The following MAPK3 variants were observed in gnomAD, a reference collection of about 807,000 sequenced individuals.
MAPK3 encodes the protein MAPK 1.
In MAPK3, 30 loss-of-function variants were observed where a neutral mutation model predicts 41.8. That is an observed-to-expected ratio of 0.72 (90% CI 0.54 to 0.97). MAPK3 has a LOEUF of 0.97. MAPK3 is among the 50% of genes least tolerant of loss of function. The probability of loss-of-function intolerance (pLI) is 0.00; values close to 1 mark genes in which losing one functional copy is unlikely to be tolerated. For missense variants in MAPK3, 413 were observed against 509.9 expected (o/e 0.81, Z 1.83); for synonymous variants, 222 against 213.4 (o/e 1.04, Z -0.35).
intron 2 of MAPK3, 58 bp from the exon 3 acceptor site, chr16:30,118,596 G>A (rs1229465535): frequency 6.8e-7 from 1 of 1,463,530 alleles, no homozygotes; most frequent in Non-Finnish European, 9.4e-7. Flanking sequence ...ACTTGGTTAA[G>A]GAAAACAGGC....
chr16:30,114,594 G>A lies in MAPK3; in HGVS notation c.*147C>T, dbSNP rs2072936459. ...GCCTGAAGCTGGAGGCCTCAGCAAAGGAGAGAGGTGGCCAGGCCCATGCTC... is the reference window on the plus strand; with the variant it reads ...GCCTGAAGCTGGAGGCCTCAGCAAAAGAGAGAGGTGGCCAGGCCCATGCTC... On this transcript the variant is annotated 3_prime_UTR_variant, in exon 9 of 9. Coordinates refer to ENST00000263025, the MANE Select transcript of MAPK3 (RefSeq NM_002746.3). 1 of 152,492 alleles carries A rather than the reference G, an allele frequency of 6.6e-6. No individual in the cohort carries two copies. Among genetic ancestry groups the A allele is most frequent in the Non-Finnish European group, 1.5e-5 (1 of 68,214 alleles). The allele number at this position is 152,492 out of a possible 1,614,324, so 9.4% of individuals were successfully genotyped here. A position where few individuals can be genotyped will look rare whatever the true frequency, so the allele number is the denominator to read the frequency against.
rs2073033192 is a variant in MAPK3 at position 30,123,035 on chromosome 16, C to G, written c.170+5G>C. On this transcript the variant is annotated splice_donor_5th_base_variant and intron_variant, in intron 1 of 8. Coordinates refer to ENST00000263025, the MANE Select transcript of MAPK3 (RefSeq NM_002746.3). ...GGCACCCCCTCCCCCGGAACGCCCCCTCACCTGACCATGCCGTACGCGCCC... is the reference window on the plus strand; with the variant it reads ...GGCACCCCCTCCCCCGGAACGCCCCGTCACCTGACCATGCCGTACGCGCCC... 1.3e-6 allele frequency: 2 copies of G among 1,549,122 alleles called. No homozygotes were observed. The highest frequency in any genetic ancestry group is 1.4e-5 in the African/African-American group (1 of 70,520).
intron 1 of MAPK3, 45 bp downstream of exon 1, chr16:30,122,995 G>T: frequency 7.2e-7 from 1 of 1,383,266 alleles, no homozygotes; most frequent in Non-Finnish European, 9.5e-7. Flanking sequence ...CTCCCGCGAA[G>T]CCCCCTCCCC....
At position 30,120,828 on chromosome 16, in the gene MAPK3, C is replaced by T. The variant is rs182828556; in HGVS notation, c.353+996G>A. Among the ~76,000 whole-genome samples, 7 of 151,684 alleles carry T rather than the reference C, an allele frequency of 4.6e-5. No homozygotes were observed. In the East Asian group the frequency reaches 1.4e-3, roughly 29 times the overall value. On this transcript the variant is annotated intron_variant, in intron 2 of 8. Coordinates refer to ENST00000263025, the MANE Select transcript of MAPK3 (RefSeq NM_002746.3). The stretch of plus-strand genomic sequence containing the variant: ...CCTCCCAAGTAGCTGGGACTATAGT[C>T]GTGTACCACCAAACCTGGATAATTT...
Position 30,118,089 on chromosome 16 carries a change from A to G in MAPK3, c.618T>C (p.Ala206=). ...DHTGFLTEYV[A]TRWYRAPEIM... is the part of the protein sequence containing the mutation. Reference sequence around the variant, plus strand: ...TCTCTGGGGCCCGGTACCAGCGCGTAGCCACATACTCCGTCAGGAAGCCGG... The same window carrying G: ...TCTCTGGGGCCCGGTACCAGCGCGTGGCCACATACTCCGTCAGGAAGCCGG... Residue 206 remains alanine (A), a synonymous_variant, in exon 4 of 9, where the codon GCT becomes GCC. Transcript: ENST00000263025. 2 of 1,614,150 alleles carry G rather than the reference A, an allele frequency of 1.2e-6. No homozygotes were observed. The highest frequency in any genetic ancestry group is 1.7e-6 in the Non-Finnish European group (2 of 1,180,028).
chr16:30,122,289 C>T (rs1596883844), intron 1 of MAPK3: 1 of 493,828 alleles, frequency 2.0e-6, no homozygotes, highest in Non-Finnish European at 3.7e-6. Context: ...GGCCCTGAAC[C>T]CTTCGCCCCC....
chr16:30,123,026 G>A lies in MAPK3; in HGVS notation c.170+14C>T, dbSNP rs1211928590. 6.8e-7 allele frequency: 1 copy of A among 1,463,644 alleles called. No homozygotes were observed. The highest frequency in any genetic ancestry group is 9.1e-7 in the Non-Finnish European group (1 of 1,104,484). The allele number at this position is 1,463,644 out of a possible 1,614,324, so 90.7% of individuals were successfully genotyped here. On this transcript the variant is annotated intron_variant, in intron 1 of 8. Coordinates refer to ENST00000263025, the MANE Select transcript of MAPK3 (RefSeq NM_002746.3). ...TCCCCTGAGGGCACCCCCTCCCCCGGAACGCCCCCTCACCTGACCATGCCG... is the reference window on the plus strand; with the variant it reads ...TCCCCTGAGGGCACCCCCTCCCCCGAAACGCCCCCTCACCTGACCATGCCG...
Position 30,118,080 on chromosome 16 carries a change from C to T in MAPK3, c.627G>A (p.Trp209Ter), listed in dbSNP as rs2072976961. The change falls in exon 4 of 9, where the codon TGG (tryptophan) becomes TGA (stop). Residue 209 changes from tryptophan to a stop codon, truncating the protein, a stop_gained. Coordinates refer to ENST00000263025, the MANE Select transcript of MAPK3 (RefSeq NM_002746.3). LOFTEE classifies it high-confidence loss of function. ...TCAGCATGATCTCTGGGGCCCGGTA[C>T]CAGCGCGTAGCCACATACTCCGTCA... ...GFLTEYVATR[W>*]YRAPEIMLNS... is the part of the protein sequence containing the mutation. 1.2e-6 allele frequency: 2 copies of T among 1,614,012 alleles called. No individual in the cohort carries two copies. The highest frequency in any genetic ancestry group is 1.7e-6 in the Non-Finnish European group (2 of 1,180,032).
chr16:30,122,500 G>A, intron 1 of MAPK3: 1 of 190,986 alleles, frequency 5.2e-6, no homozygotes, highest in South Asian at 8.7e-5. Flanking sequence ...CGGTGGGGCC[G>A]GGGGCACTCA....
intron 2 of MAPK3, among the ~76,000 whole-genome samples, chr16:30,120,583 A>C (rs952006114): frequency 4.6e-5 from 7 of 152,102 alleles, no homozygotes; most frequent in Admixed American, 3.9e-4. Flanking sequence ...CTGAGTGAGA[A>C]GTCCTAAGAA....
At position 30,122,197 on chromosome 16, in the gene MAPK3, G is replaced by T. The variant is rs558796398; in HGVS notation, c.171-191C>A. The T allele has an allele frequency of 2.4e-5, 15 of 622,016 alleles. No homozygotes were observed. In the African/African-American group the frequency reaches 2.6e-4, roughly 11 times the overall value. 38.5% of individuals were successfully genotyped at this position (622,016 alleles called of 1,614,324 possible). A position where few individuals can be genotyped will look rare whatever the true frequency, so the allele number is the denominator to read the frequency against. ...AGAGAAAGCTGGGGACCAGCCAGGCGGCCCTTCGGTGACTTTACAAACAGA... is the reference window on the plus strand; with the variant it reads ...AGAGAAAGCTGGGGACCAGCCAGGCTGCCCTTCGGTGACTTTACAAACAGA... On this transcript the variant is annotated intron_variant, in intron 1 of 8. Coordinates refer to ENST00000263025, the MANE Select transcript of MAPK3 (RefSeq NM_002746.3).
intron 8 of MAPK3, chr16:30,115,570 G>C (rs1271054037): frequency 6.6e-6 from 1 of 152,360 alleles, no homozygotes; most frequent in Non-Finnish European, 1.5e-5. Flanking sequence ...CACACCCAGA[G>C]CTGAAGCTTG....
At position 30,121,993 on chromosome 16, in the gene MAPK3, G is replaced by C; in HGVS notation, c.184C>G (p.His62Asp). The C allele has an allele frequency of 6.2e-7, 1 of 1,614,098 alleles. No individual in the cohort carries two copies. The highest frequency in any genetic ancestry group is 8.5e-7 in the Non-Finnish European group (1 of 1,180,030). Residue 62 changes from histidine (H) to aspartate (D), a missense_variant, in exon 2 of 9, where the codon CAC (histidine) becomes GAC (aspartate). Physicochemically the swap from His to Asp is moderately conservative, Grantham distance 81. Coordinates refer to ENST00000263025, the MANE Select transcript of MAPK3 (RefSeq NM_002746.3). ...ATGGCCACGCGAGTCTTGCGCACGT[G>C]GTCATAGGCCGAGCTGAGGGGACCG... Reference protein sequence around the residue: ...AYGMVSSAYDHVRKTRVAIKK... With the variant: ...AYGMVSSAYDDVRKTRVAIKK...
chr16:30,121,878 A>G lies in MAPK3; in HGVS notation c.299T>C (p.Val100Ala). Reference sequence around the variant, plus strand: ...CCGCAGAATGTCTCGGATGCCGATGACATTCTCATGGCGGAAGCGCAGCAG... The same window carrying G: ...CCGCAGAATGTCTCGGATGCCGATGGCATTCTCATGGCGGAAGCGCAGCAG... ...QILLRFRHEN[V>A]IGIRDILRAS... Residue 100 changes from valine to alanine, a missense_variant, in exon 2 of 9, where the codon GTC (valine) becomes GCC (alanine). Coordinates refer to ENST00000263025, the MANE Select transcript of MAPK3 (RefSeq NM_002746.3). The G allele has an allele frequency of 1.9e-6, 3 of 1,614,116 alleles. No individual in the cohort carries two copies. The highest frequency in any genetic ancestry group is 2.5e-6 in the Non-Finnish European group (3 of 1,180,020).
rs752945713 is a variant in MAPK3, at chr16:30,123,085, T to C, written c.125A>G (p.Tyr42Cys). The change falls in exon 1 of 9, where the codon TAC (tyrosine) becomes TGC (cysteine). Residue 42 changes from tyrosine to cysteine, a missense_variant. By Grantham distance (194) the Tyr-to-Cys change is radical. Coordinates refer to ENST00000263025, the MANE Select transcript of MAPK3 (RefSeq NM_002746.3). ...CTCGCCGATGTACTGCAACTGCGTG[T>C]AGCGCGGGCCCACGTCGAACGGCTG... Reference protein sequence around the residue: ...KGQPFDVGPRYTQLQYIGEGA... With the variant: ...KGQPFDVGPRCTQLQYIGEGA... 1.3e-6 allele frequency: 2 copies of C among 1,547,810 alleles called. No homozygotes were observed. The highest frequency in any genetic ancestry group is 1.7e-6 in the Non-Finnish European group (2 of 1,145,754).
chr16:30,115,097 C>T (rs955001582), intron 8 of MAPK3, among the ~76,000 whole-genome samples: 4 of 151,670 alleles, frequency 2.6e-5, no homozygotes, highest in South Asian at 4.2e-4. Context: ...AAAAATTAGC[C>T]GGTTGCAATG....
At chr16:30,122,396 A>G in intron 1 of MAPK3, 1 of 318,398 alleles carries the variant, frequency 3.1e-6, no homozygotes, top group Non-Finnish European at 6.1e-6. Context: ...CAGCCAGGGG[A>G]GGGGCAGGAG....
rs1321995174 is a variant in MAPK3, at chr16:30,118,102, G to A, written c.605C>T (p.Thr202Met). 7 of 1,614,024 alleles carry A rather than the reference G, an allele frequency of 4.3e-6. No homozygotes were observed. Among genetic ancestry groups the A allele is most frequent in the East Asian group, 4.5e-5 (2 of 44,896 alleles). ...GTACCAGCGCGTAGCCACATACTCC[G>A]TCAGGAAGCCGGTGTGGTCATGCTC... is the stretch of plus-strand genomic sequence containing the variant. ...DPEHDHTGFL[T>M]EYVATRWYRA... The change falls in exon 4 of 9, where the codon ACG becomes ATG. Residue 202 changes from threonine to methionine, a missense_variant. Physicochemically the swap from Thr to Met is moderately conservative, Grantham distance 81. This residue lies in a region of MAPK3 where 140 missense variants were observed against 206.0 expected (regional missense o/e 0.68). Coordinates refer to ENST00000263025, the MANE Select transcript of MAPK3 (RefSeq NM_002746.3).
rs932839170 is a variant in MAPK3, at chr16:30,118,498, A to G, written c.394T>C (p.Leu132=). The change falls in exon 3 of 9, where the codon TTG becomes CTG. Residue 132 remains leucine (L), a synonymous_variant. Transcript: ENST00000263025. ...TTGCTCAGCTGCTGGCTTTTCAGCAACTTGTACAGGTCAGTCTCCATCAGG... is the reference window on the plus strand; with the variant it reads ...TTGCTCAGCTGCTGGCTTTTCAGCAGCTTGTACAGGTCAGTCTCCATCAGG... The part of the protein sequence containing the change: ...QDLMETDLYK[L]LKSQQLSNDH... 6.2e-7 allele frequency: 1 copy of G among 1,614,042 alleles called. No homozygotes were observed. The highest frequency in any genetic ancestry group is 8.5e-7 in the Non-Finnish European group (1 of 1,179,998).
Sources: allele counts gnomAD v4.1 joint callset (sites outside exome capture counted in the v4.1 genomes callset), GRCh38; gene constraint gnomAD v4.1.1; regional missense constraint gnomAD v4.1.1; transcripts MANE v1.5; gene names NCBI Gene and HGNC (gene_info 2026-07-23, HGNC 2026-07-21).